The following MS4A10 variants were observed in gnomAD, a reference collection of about 807,000 sequenced individuals.
The protein encoded by MS4A10 is membrane spanning 4-domains A10.
In MS4A10, 27 loss-of-function variants were observed where a neutral mutation model predicts 27.7. The observed-to-expected ratio is 0.98, with a 90% confidence interval of 0.72 to 1.35. MS4A10 has a LOEUF of 1.35. Ranked by LOEUF, MS4A10 falls within the 40% of genes most tolerant of loss-of-function variation. The pLI is 0.00. For synonymous variants in MS4A10, 139 were observed against 131.2 expected (o/e 1.06, Z -0.41); for missense variants, 338 against 324.7 (o/e 1.04, Z -0.32).
At chr11:60,794,218 G>T (rs985003421) in intron 5 of MS4A10, 115 bp downstream of exon 5, 13 of 1,277,156 alleles carry the variant, frequency 1.0e-5, no homozygotes, top group African/African-American at 8.9e-5. Flanking sequence ...GGTGTGGGCT[G>T]CTGGGCCCTT....
chr11:60,789,828 A>G (rs879727307), intron 1 of MS4A10, among the ~76,000 whole-genome samples: 1 of 152,226 alleles, frequency 6.6e-6, no homozygotes, highest in African/African-American at 2.4e-5. Flanking sequence ...GCTCATAAAA[A>G]GTCCTCGGTG....
chr11:60,790,951 G>A, intron 2 of MS4A10, 23 bp from the exon 3 acceptor site: 3 of 1,613,508 alleles, frequency 1.9e-6, no homozygotes, highest in East Asian at 4.5e-5. Context: ...CCTCACCCCA[G>A]CCATTCTCTC....
chr11:60,797,976 C>A (rs1366710597), intron 6 of MS4A10, among the ~76,000 whole-genome samples: 1 of 152,256 alleles, frequency 6.6e-6, no homozygotes, highest in African/African-American at 2.4e-5. Flanking sequence ...TTGGTGCCAC[C>A]CTCATCACTA....
At chr11:60,789,455 G>T (rs551080451) in intron 1 of MS4A10, among the ~76,000 whole-genome samples, 3 of 152,306 alleles carry the variant, frequency 2.0e-5, no homozygotes, top group Admixed American at 1.3e-4. Flanking sequence ...CTGTCTGCAG[G>T]TCGTGTGTCC....
At chr11:60,793,867 G>A in intron 4 of MS4A10, 105 bp from the exon 5 acceptor site, 2 of 1,313,978 alleles carry the variant, frequency 1.5e-6, no homozygotes, top group Non-Finnish European at 2.1e-6. Context: ...GACAGGCAGA[G>A]TCTCTCCTGA....
In MS4A10 at chr11:60,798,507, C is replaced by T; in HGVS notation, c.715C>T (p.His239Tyr). Reference protein sequence around the residue: ...VIQGDAQHKQHQRLREVKQVA... With the variant: ...VIQGDAQHKQYQRLREVKQVA... ...TCAAGGCGACGCACAACACAAGCAA[C>T]ATCAGAGGTGAAGAGGTTTGGCCCT... The change falls in exon 7 of 8, where the codon CAT becomes TAT. Residue 239 changes from histidine to tyrosine, a missense_variant. His to Tyr is a moderately conservative substitution (Grantham distance 83). Coordinates refer to ENST00000308287, the MANE Select transcript of MS4A10 (RefSeq NM_206893.4). 1.2e-6 allele frequency: 2 copies of T among 1,613,622 alleles called. No homozygotes were observed. The highest frequency in any genetic ancestry group is 1.7e-6 in the Non-Finnish European group (2 of 1,179,636).
chr11:60,800,848 C>G lies in MS4A10; in HGVS notation c.*939C>G, dbSNP rs1306303934. ...TCACTCTGTCACCCAGGCTGGAGTG[C>G]TGTGGTGCAATCTCGGCTCACTGCA... On this transcript the variant is annotated 3_prime_UTR_variant, in exon 8 of 8. Transcript: ENST00000308287. 1 of 131,412 alleles carries G rather than the reference C, an allele frequency of 7.6e-6. No individual in the cohort carries two copies. The highest frequency in any genetic ancestry group is 1.5e-5 in the Non-Finnish European group (1 of 64,720). The allele number at this position is 131,412 out of a possible 1,614,324, so 8.1% of individuals were successfully genotyped here.
chr11:60,790,537 G>A lies in MS4A10; in HGVS notation c.183+19G>A. ...GCTGGGGGTGAGCATCCACTTCCCA[G>A]GGTCCCAGCAGTGGGAGGCAGAGGA... is the stretch of plus-strand genomic sequence containing the variant. On this transcript the variant is annotated intron_variant, in intron 2 of 7. Coordinates refer to ENST00000308287, the MANE Select transcript of MS4A10 (RefSeq NM_206893.4). 6.2e-7 allele frequency: 1 copy of A among 1,613,506 alleles called. No individual in the cohort carries two copies. The highest frequency in any genetic ancestry group is 8.5e-7 in the Non-Finnish European group (1 of 1,179,652).
At position 60,790,222 on chromosome 11, in the gene MS4A10, G is replaced by T. The variant is rs550117815; in HGVS notation, c.-22-92G>T. The T allele has an allele frequency of 8.3e-5, 90 of 1,086,980 alleles. 1 individual carries two copies. The African/African-American group carries it at 1.3e-3, about 15-fold the overall frequency. 67.3% of individuals were successfully genotyped at this position (1,086,980 alleles called of 1,614,324 possible). ...GCAACCACAGTTCTGGAAAGATCTGGTCCCTTAAACAGAGGTGATTGGCAG... is the reference window on the plus strand; with the variant it reads ...GCAACCACAGTTCTGGAAAGATCTGTTCCCTTAAACAGAGGTGATTGGCAG... On this transcript the variant is annotated intron_variant, in intron 1 of 7. Transcript: ENST00000308287.
chr11:60,789,683 C>T (rs1372169811), intron 1 of MS4A10, among the ~76,000 whole-genome samples: 1 of 152,184 alleles, frequency 6.6e-6, no homozygotes, highest in East Asian at 1.9e-4. Context: ...AGAGTGAGGA[C>T]GGTATTTACC....
At position 60,795,672 on chromosome 11, in the gene MS4A10, C is replaced by A; in HGVS notation, c.603+7C>A. 1 of 1,544,602 alleles carries A rather than the reference C, an allele frequency of 6.5e-7. No homozygotes were observed. ...GGACTGCCCATCTGCAAAGGTAAGA[C>A]AAGGGCTTGTCTTCCCAGGAAGACA... On this transcript the variant is annotated splice_region_variant and intron_variant, in intron 6 of 7. Coordinates refer to ENST00000308287, the MANE Select transcript of MS4A10 (RefSeq NM_206893.4).
chr11:60,786,193 A>ACG (rs60672339), intron 1 of MS4A10, among the ~76,000 whole-genome samples: 3,649 of 146,984 alleles, frequency 0.025, 142 homozygotes, highest in African/African-American at 0.076. Context: ...ACACACGCAC[A>ACG]CACACACACA....
At chr11:60,799,030 G>A (rs987281006) in intron 7 of MS4A10, among the ~76,000 whole-genome samples, 1 of 152,210 alleles carries the variant, frequency 6.6e-6, no homozygotes, top group East Asian at 1.9e-4. Context: ...TGGGCTGAGG[G>A]CAGCTGGGGA....
chr11:60,786,841 T>TACC (rs1267007884), intron 1 of MS4A10, among the ~76,000 whole-genome samples: 1 of 152,188 alleles, frequency 6.6e-6, no homozygotes, highest in African/African-American at 2.4e-5. Context: ...CCTCACCACC[T>TACC]ACCCCCTAGG....
intron 1 of MS4A10, among the ~76,000 whole-genome samples, chr11:60,789,982 T>TCGCACCTCC (rs1854397615): frequency 6.6e-6 from 1 of 152,182 alleles, no homozygotes; most frequent in South Asian, 2.1e-4. Context: ...CCTGCACCTC[T>TCGCACCTCC]CGCACCTCCC....
intron 6 of MS4A10, among the ~76,000 whole-genome samples, chr11:60,796,047 G>A (rs1854525738): frequency 6.6e-6 from 1 of 152,216 alleles, no homozygotes; most frequent in Non-Finnish European, 1.5e-5. Context: ...AAGAGCACGA[G>A]CACTGGCTTG....
chr11:60,800,046 A>C lies in MS4A10; in HGVS notation c.*137A>C. The C allele has an allele frequency of 7.7e-7, 1 of 1,294,448 alleles. No individual in the cohort carries two copies. Among genetic ancestry groups the C allele is most frequent in the Non-Finnish European group, 1.1e-6 (1 of 947,452 alleles). The allele number at this position is 1,294,448 out of a possible 1,614,324, so 80.2% of individuals were successfully genotyped here. On this transcript the variant is annotated 3_prime_UTR_variant, in exon 8 of 8. Transcript: ENST00000308287. ...GGTCTATACAGCAAAGTCAGCCCTCACAGCTCCTGGGAACGCTGTCCTCTC... is the reference window on the plus strand; with the variant it reads ...GGTCTATACAGCAAAGTCAGCCCTCCCAGCTCCTGGGAACGCTGTCCTCTC...
intron 1 of MS4A10, among the ~76,000 whole-genome samples, chr11:60,786,173 G>GCACACACACA (rs776986366): frequency 1.4e-5 from 2 of 139,972 alleles, no homozygotes; most frequent in African/African-American, 3.1e-5. Context: ...GCACACACAT[G>GCACACACACA]CACACACACA....
intron 1 of MS4A10, among the ~76,000 whole-genome samples, chr11:60,789,901 A>G (rs1352451552): frequency 6.6e-6 from 1 of 152,144 alleles, no homozygotes; most frequent in East Asian, 1.9e-4. Context: ...TAGGACAATT[A>G]TTTCCCACCT....
Sources: gnomAD v4.1 joint callset for allele counts (sites outside exome capture counted in the v4.1 genomes callset) on GRCh38, gnomAD v4.1.1 for gene constraint, MANE v1.5 for transcripts, NCBI Gene and HGNC (gene_info 2026-07-23, HGNC 2026-07-21) for gene names.